ERCC6L2: variants seen among roughly 807,000 people sequenced by gnomAD.
ERCC6L2 encodes ERCC excision repair 6 like 2, also known as DNA excision repair protein ERCC-6-like 2.
A neutral mutation model predicts 132.0 loss-of-function variants in ERCC6L2; 77 were observed. The ratio of observed to expected loss-of-function variants is 0.58; its 90% confidence interval spans 0.49 to 0.71. The LOEUF is 0.71. ERCC6L2 is among the 30% of genes least tolerant of loss of function. ERCC6L2 has a pLI of 0.00. For synonymous variants in ERCC6L2, 583 were observed against 632.4 expected (o/e 0.92, Z 1.17); for missense variants, 1,542 against 1,837.6 (o/e 0.84, Z 2.94).
chr9:95,952,166 T>TTAAAAAAAAAAA (rs1831364652), intron 12 of ERCC6L2, among the ~76,000 whole-genome samples: 1 of 57,738 alleles, frequency 1.7e-5, no homozygotes, highest in Non-Finnish European at 2.7e-5. Flanking sequence ...GACTCCATCT[T>TTAAAAAAAAAAA]AAAAAAAAAA....
chr9:95,983,025 G>C (rs1216520809), intron 17 of ERCC6L2, among the ~76,000 whole-genome samples: 1 of 152,086 alleles, frequency 6.6e-6, no homozygotes, highest in Non-Finnish European at 1.5e-5. Flanking sequence ...TTGCAAGAAA[G>C]GCATTGAAAT....
intron 13 of ERCC6L2, among the ~76,000 whole-genome samples, chr9:95,962,351 G>A (rs889715650): frequency 2.0e-5 from 3 of 152,056 alleles, no homozygotes; most frequent in Non-Finnish European, 4.4e-5. Flanking sequence ...GGTATATGTA[G>A]AGTCTCCATA....
At chr9:95,933,576 G>A (rs1830432969) in intron 11 of ERCC6L2, among the ~76,000 whole-genome samples, 1 of 152,152 alleles carries the variant, frequency 6.6e-6, no homozygotes, top group Non-Finnish European at 1.5e-5. Context: ...CAGGTGCAGT[G>A]GCTCACGCGT....
chr9:96,006,308 G>A (rs1270582269), intron 18 of ERCC6L2, among the ~76,000 whole-genome samples: 1 of 152,210 alleles, frequency 6.6e-6, no homozygotes, highest in East Asian at 1.9e-4. Context: ...CAGGAGTAGC[G>A]AGAGGATCTT....
At chr9:95,976,856 G>A (rs1394367413) in intron 16 of ERCC6L2, among the ~76,000 whole-genome samples, 2 of 152,114 alleles carry the variant, frequency 1.3e-5, no homozygotes, top group Admixed American at 1.3e-4. Flanking sequence ...ATATAAGCAA[G>A]GACATTTTGC....
intron 6 of ERCC6L2, 105 bp from the exon 7 acceptor site, chr9:95,921,070 C>A: frequency 8.9e-7 from 1 of 1,118,802 alleles, no homozygotes; most frequent in Non-Finnish European, 1.2e-6. Flanking sequence ...CCTCTGCGCC[C>A]GGCCAGTTTT....
chr9:95,910,734 G>T (rs1028018622), intron 4 of ERCC6L2, among the ~76,000 whole-genome samples: 1 of 152,112 alleles, frequency 6.6e-6, no homozygotes, highest in East Asian at 1.9e-4. Flanking sequence ...TCAGGTCTGG[G>T]ATTTAATTTT....
chr9:95,941,061 T>TA lies in ERCC6L2; in HGVS notation c.1752-393_1752-392insA, dbSNP rs566073614. On this transcript the variant is annotated intron_variant, in intron 11 of 18. Coordinates refer to ENST00000653738, the MANE Select transcript of ERCC6L2 (RefSeq NM_020207.7). ...TATCCAGAGTTTTAGCTGCACTTAG[T>TA]GGAAGAATAAGATGTGCATCTATTC... is the stretch of plus-strand genomic sequence containing the variant. Among the ~76,000 whole-genome samples, 69 of 152,280 alleles carry TA rather than the reference T, an allele frequency of 4.5e-4. No individual in the cohort carries two copies. The Middle Eastern group carries it at 0.01, about 23-fold the overall frequency.
chr9:95,905,470 GA>G (rs1268241609), intron 3 of ERCC6L2, among the ~76,000 whole-genome samples: 1 of 152,114 alleles, frequency 6.6e-6, no homozygotes, highest in Admixed American at 6.6e-5. Context: ...CTCTCAAGTG[GA>G]AAACTACTAA....
chr9:95,900,337 G>A (rs892502315), intron 3 of ERCC6L2, among the ~76,000 whole-genome samples: 5 of 151,826 alleles, frequency 3.3e-5, no homozygotes, highest in East Asian at 3.9e-4. Context: ...GCAGTGAGCC[G>A]TGATCATGCC....
intron 17 of ERCC6L2, among the ~76,000 whole-genome samples, chr9:95,998,279 C>T (rs1381613097): frequency 6.6e-6 from 1 of 152,104 alleles, no homozygotes; most frequent in Admixed American, 6.5e-5. Flanking sequence ...GTTAAGACCC[C>T]CACTCTCCCT....
chr9:95,990,513 T>C (rs1833258345), intron 17 of ERCC6L2, among the ~76,000 whole-genome samples: 1 of 152,218 alleles, frequency 6.6e-6, no homozygotes, highest in African/African-American at 2.4e-5. Flanking sequence ...GAACAGGCAG[T>C]GGCCCTTAAT....
chr9:95,950,727 A>G (rs764087437), intron 12 of ERCC6L2, among the ~76,000 whole-genome samples: 11 of 152,226 alleles, frequency 7.2e-5, no homozygotes, highest in Non-Finnish European at 1.6e-4. Context: ...TCAAGTCGAC[A>G]ACTGTTAGAA....
chr9:96,020,641 G>A, downstream of ERCC6L2: 1 of 396,136 alleles, frequency 2.5e-6, no homozygotes, highest in South Asian at 1.9e-5. Context: ...GCCCACCGAG[G>A]AAGGCAGCTG....
At chr9:95,921,116 G>T in intron 6 of ERCC6L2, 59 bp from the exon 7 acceptor site, 1 of 1,458,614 alleles carries the variant, frequency 6.9e-7, no homozygotes, top group South Asian at 1.3e-5. Flanking sequence ...TGTAGATTAT[G>T]ATTTTTATTA....
chr9:95,881,858 A>T (rs553592503), intron 2 of ERCC6L2, among the ~76,000 whole-genome samples: 19 of 152,352 alleles, frequency 1.2e-4, no homozygotes, highest in Admixed American at 1.0e-3. Context: ...TTTCTGTATA[A>T]CAAATTATGC....
chr9:95,932,791 C>A (rs1270606338), intron 11 of ERCC6L2, among the ~76,000 whole-genome samples: 1 of 152,122 alleles, frequency 6.6e-6, no homozygotes, highest in Non-Finnish European at 1.5e-5. Context: ...ACAGGAAGAG[C>A]ATGTGGCAGA....
intron 19 of ERCC6L2, among the ~76,000 whole-genome samples, chr9:96,033,268 G>A (rs118028435): frequency 0.015 from 2,254 of 149,906 alleles, 32 homozygotes; most frequent in Non-Finnish European, 0.023. Context: ...TTTTTGAGAC[G>A]GAGTTTTATT....
intron 20 of ERCC6L2, among the ~76,000 whole-genome samples, chr9:96,039,853 C>A (rs926644280): frequency 1.3e-5 from 2 of 152,084 alleles, no homozygotes; most frequent in Non-Finnish European, 2.9e-5. Context: ...GACAGGCAAG[C>A]GGCAGGGCTG....
Sources: gnomAD v4.1 joint callset for allele counts (sites outside exome capture counted in the v4.1 genomes callset) on GRCh38, gnomAD v4.1.1 for gene constraint, MANE v1.5 for transcripts, NCBI Gene and HGNC (gene_info 2026-07-23, HGNC 2026-07-21) for gene names.